RGS6: variants seen among roughly 807,000 people sequenced by gnomAD.
RGS6 encodes regulator of G-protein signaling 6.
Under a neutral mutation model 78.5 loss-of-function variants are expected in RGS6, and 30 were observed. The ratio of observed to expected loss-of-function variants is 0.38; its 90% CI spans 0.29 to 0.52. The LOEUF is 0.52. RGS6 is among the 20% of genes least tolerant of loss of function. The pLI is 0.85. For missense variants in RGS6, 495 were observed against 609.7 expected (o/e 0.81, Z 1.98); for synonymous variants, 206 against 206.0 (o/e 1.00, Z 0.00).
intron 2 of RGS6, among the ~76,000 whole-genome samples, chr14:72,326,808 C>T (rs182874394): frequency 3.2e-4 from 49 of 152,312 alleles, no homozygotes; most frequent in African/African-American, 5.5e-4. Flanking sequence ...CCCGGGCTCA[C>T]GCCATTGTCC....
In RGS6 at chr14:72,310,183, C is replaced by T. The variant is rs140748988; in HGVS notation, c.85-41912C>T. On this transcript the variant is annotated intron_variant, in intron 2 of 17. Transcript: ENST00000553525. ...AGCAGAGCCAGGTGCAGGATCTAGT[C>T]GGGGTCCAGGACTGCTGCTCCAAGG... Among the ~76,000 whole-genome samples, 370 of 152,298 alleles carry T rather than the reference C, an allele frequency of 2.4e-3. 3 individuals are homozygous for T. Among genetic ancestry groups the T allele is most frequent in the East Asian group, 0.012 (61 of 5,178 alleles).
At chr14:72,285,854 TTTG>T (rs2062440739) in intron 2 of RGS6, among the ~76,000 whole-genome samples, 1 of 152,226 alleles carries the variant, frequency 6.6e-6, no homozygotes, top group African/African-American at 2.4e-5. Context: ...CATTTTTAAA[TTTG>T]TTTATTTTCT....
intron 2 of RGS6, among the ~76,000 whole-genome samples, chr14:71,998,898 C>T (rs2082871253): frequency 6.6e-6 from 1 of 152,158 alleles, no homozygotes; most frequent in Non-Finnish European, 1.5e-5. Flanking sequence ...AGAGACCATA[C>T]AGAAATGAGT....
chr14:72,026,575 C>T (rs11850239), intron 2 of RGS6, among the ~76,000 whole-genome samples: 6,594 of 152,258 alleles, frequency 0.043, 173 homozygotes, highest in African/African-American at 0.076. Context: ...TCTCTGAGTG[C>T]CAGCCAATCA....
At chr14:72,333,080 G>T (rs2075371003) in intron 2 of RGS6, among the ~76,000 whole-genome samples, 1 of 152,196 alleles carries the variant, frequency 6.6e-6, no homozygotes, top group Non-Finnish European at 1.5e-5. Context: ...ACCACAGGGG[G>T]CCAGGCTGCC....
At chr14:72,267,526 C>G (rs77315452) in intron 2 of RGS6, among the ~76,000 whole-genome samples, 5,669 of 152,126 alleles carry the variant, frequency 0.037, 144 homozygotes, top group Non-Finnish European at 0.053. Flanking sequence ...CTGTTCTTGC[C>G]AAAGACCAAA....
chr14:72,276,472 A>C (rs2060685375), intron 2 of RGS6, among the ~76,000 whole-genome samples: 1 of 152,184 alleles, frequency 6.6e-6, no homozygotes, highest in Non-Finnish European at 1.5e-5. Context: ...TTGGGAAAAA[A>C]TGTCTAAAAA....
chr14:72,222,484 C>G (rs78744390), intron 2 of RGS6, among the ~76,000 whole-genome samples: 3 of 152,242 alleles, frequency 2.0e-5, no homozygotes, highest in Admixed American at 2.0e-4. Context: ...AGAGCCAGTT[C>G]CCATCTTCCT....
chr14:72,014,579 T>C (rs539430179), intron 2 of RGS6, among the ~76,000 whole-genome samples: 1 of 152,344 alleles, frequency 6.6e-6, no homozygotes, highest in East Asian at 1.9e-4. Flanking sequence ...TTTAGAGGCC[T>C]TTTAATAATG....
At chr14:72,599,131 G>T in the RGS6 span, among the ~76,000 whole-genome samples, 1 of 152,178 alleles carries the variant, frequency 6.6e-6, no homozygotes, top group South Asian at 2.1e-4. Context: ...GGAGGGGAAA[G>T]GAGGGCTAGA....
At chr14:72,261,251 C>T (rs562908852) in intron 2 of RGS6, among the ~76,000 whole-genome samples, 83 of 152,228 alleles carry the variant, frequency 5.5e-4, no homozygotes, top group African/African-American at 1.9e-3. Flanking sequence ...GAAGATGTTC[C>T]GTTTCCTCAC....
At chr14:72,172,396 A>G (rs2097035062) in intron 2 of RGS6, among the ~76,000 whole-genome samples, 1 of 151,890 alleles carries the variant, frequency 6.6e-6, no homozygotes, top group South Asian at 2.1e-4. Context: ...TTGGGGGATT[A>G]CAAAAATTAG....
At chr14:72,517,522 G>A (rs888252834) in intron 14 of RGS6, among the ~76,000 whole-genome samples, 2 of 152,198 alleles carry the variant, frequency 1.3e-5, no homozygotes, top group East Asian at 1.9e-4. Context: ...AGGCAAATAC[G>A]GAAGTGAGCA....
chr14:72,545,709 C>T (rs2097386559), intron 17 of RGS6, among the ~76,000 whole-genome samples: 1 of 152,190 alleles, frequency 6.6e-6, no homozygotes, highest in Admixed American at 6.5e-5. Context: ...TTTACAAAGC[C>T]TGGACATGCA....
chr14:72,072,067 G>A (rs183555824), intron 2 of RGS6, among the ~76,000 whole-genome samples: 498 of 152,224 alleles, frequency 3.3e-3, no homozygotes, highest in Non-Finnish European at 6.2e-3. Flanking sequence ...TGTGTTTCAG[G>A]CCCAGTGCTA....
intron 2 of RGS6, among the ~76,000 whole-genome samples, chr14:72,155,689 G>A (rs568074821): frequency 6.6e-6 from 1 of 152,352 alleles, no homozygotes; most frequent in African/African-American, 2.4e-5. Context: ...TTAAAAATAT[G>A]ACATGAAGCT....
chr14:71,924,358 C>A, the RGS6 span, among the ~76,000 whole-genome samples: 1 of 152,148 alleles, frequency 6.6e-6, no homozygotes, highest in South Asian at 2.1e-4. Context: ...AGCAAATTAA[C>A]ATTTCCGTCA....
intron 2 of RGS6, among the ~76,000 whole-genome samples, chr14:72,040,743 C>T (rs1441131366): frequency 1.3e-5 from 2 of 152,130 alleles, no homozygotes; most frequent in African/African-American, 2.4e-5. Context: ...TATTGATCTG[C>T]TCAATGGTGT....
At chr14:72,518,320 G>A (rs2096981671) in intron 14 of RGS6, 31 bp from the exon 15 acceptor site, 1 of 1,604,708 alleles carries the variant, frequency 6.2e-7, no homozygotes, top group Non-Finnish European at 8.5e-7. Context: ...TGAGCCCCCT[G>A]GAACTGACTG....
Sources: allele counts gnomAD v4.1 joint callset (sites outside exome capture counted in the v4.1 genomes callset), GRCh38; gene constraint gnomAD v4.1.1; transcripts MANE v1.5; gene names NCBI Gene and HGNC (gene_info 2026-07-23, HGNC 2026-07-21).